The following KHDRBS3 variants were observed in gnomAD, a reference collection of about 807,000 sequenced individuals.
KHDRBS3 encodes KH RNA binding domain containing, signal transduction associated 3.
In KHDRBS3, 23 loss-of-function variants were observed where a neutral mutation model predicts 45.6. The ratio of observed to expected loss-of-function variants is 0.50; its 90% CI spans 0.36 to 0.72. The LOEUF (loss-of-function observed/expected upper bound fraction) is 0.72. KHDRBS3 is among the 30% of genes least tolerant of loss of function. KHDRBS3 has a pLI of 0.00. For synonymous variants in KHDRBS3, 162 were observed against 156.5 expected (o/e 1.04, Z -0.26); for missense variants, 352 against 424.8 (o/e 0.83, Z 1.51).
intron 1 of KHDRBS3, among the ~76,000 whole-genome samples, chr8:135,516,570 T>TTGTGTGTGTG (rs56155377): frequency 0.12 from 17,827 of 149,002 alleles, 1,229 homozygotes; most frequent in Non-Finnish European, 0.17. Flanking sequence ...GTTTCTTACA[T>TTGTGTGTGTG]TGTGTGTGTG....
At chr8:135,624,530 T>C (rs1453657829) in intron 7 of KHDRBS3, among the ~76,000 whole-genome samples, 2 of 152,190 alleles carry the variant, frequency 1.3e-5, no homozygotes, top group African/African-American at 4.8e-5. Context: ...AAACACATCC[T>C]CTGTTATATC....
intron 7 of KHDRBS3, among the ~76,000 whole-genome samples, chr8:135,611,338 A>G (rs1586801905): frequency 1.3e-5 from 2 of 151,974 alleles, no homozygotes; most frequent in Admixed American, 6.6e-5. Flanking sequence ...AGTTTACACA[A>G]AGGAGACAAA....
chr8:135,459,246 A>AGT (rs1337890265), intron 1 of KHDRBS3, among the ~76,000 whole-genome samples: 1 of 152,036 alleles, frequency 6.6e-6, no homozygotes, highest in Non-Finnish European at 1.5e-5. Flanking sequence ...TTCAGAGTAG[A>AGT]GTGTGTGTGT....
chr8:135,473,952 A>C (rs1822143770), intron 1 of KHDRBS3, among the ~76,000 whole-genome samples: 1 of 152,140 alleles, frequency 6.6e-6, no homozygotes, highest in Non-Finnish European at 1.5e-5. Context: ...GCTGCTGCTG[A>C]TGTTGCAGTT....
chr8:135,636,253 A>G (rs1830807845), intron 7 of KHDRBS3, among the ~76,000 whole-genome samples: 1 of 152,208 alleles, frequency 6.6e-6, no homozygotes, highest in Non-Finnish European at 1.5e-5. Context: ...ATTGCTTTCA[A>G]GAGCACTTTT....
At chr8:135,471,900 A>T (rs1822035587) in intron 1 of KHDRBS3, among the ~76,000 whole-genome samples, 1 of 152,136 alleles carries the variant, frequency 6.6e-6, no homozygotes, top group Admixed American at 6.5e-5. Flanking sequence ...TTTGGGTGGG[A>T]GTTCTTTCTC....
intron 4 of KHDRBS3, among the ~76,000 whole-genome samples, chr8:135,550,201 C>A (rs1320604286): frequency 2.0e-5 from 3 of 152,130 alleles, no homozygotes; most frequent in Non-Finnish European, 4.4e-5. Context: ...AACAGATTCT[C>A]TTTTCCAAAG....
At chr8:135,639,270 G>C (rs1830956820) in intron 7 of KHDRBS3, among the ~76,000 whole-genome samples, 1 of 152,212 alleles carries the variant, frequency 6.6e-6, no homozygotes, top group South Asian at 2.1e-4. Context: ...ATCATAGAGA[G>C]TGGGATATAT....
At chr8:135,646,164 C>A (rs572628528) in intron 8 of KHDRBS3, among the ~76,000 whole-genome samples, 1 of 152,100 alleles carries the variant, frequency 6.6e-6, no homozygotes, top group South Asian at 2.1e-4. Context: ...ATTTTTCCTT[C>A]ACAGCTTTTT....
At chr8:135,604,936 T>C (rs1829389635) in intron 6 of KHDRBS3, among the ~76,000 whole-genome samples, 1 of 151,794 alleles carries the variant, frequency 6.6e-6, no homozygotes, top group Non-Finnish European at 1.5e-5. Flanking sequence ...TTTTTTTTTT[T>C]CTTAAGAACT....
chr8:135,515,606 G>C (rs1466123609), intron 1 of KHDRBS3, among the ~76,000 whole-genome samples: 1 of 152,006 alleles, frequency 6.6e-6, no homozygotes, highest in Non-Finnish European at 1.5e-5. Flanking sequence ...TCCACTAGTG[G>C]TCAATAGCAG....
At chr8:135,464,075 C>A (rs1265103785) in intron 1 of KHDRBS3, among the ~76,000 whole-genome samples, 2 of 152,088 alleles carry the variant, frequency 1.3e-5, no homozygotes, top group Non-Finnish European at 2.9e-5. Context: ...AGGTACACAG[C>A]TTATAAGTAG....
At chr8:135,614,717 CAAAA>C (rs530803248) in intron 7 of KHDRBS3, among the ~76,000 whole-genome samples, 1 of 150,158 alleles carries the variant, frequency 6.7e-6, no homozygotes, top group Non-Finnish European at 1.5e-5. Flanking sequence ...GAAAAAAAAA[CAAAA>C]AAAAGAGTAG....
chr8:135,531,423 CA>C (rs11381875), intron 2 of KHDRBS3, among the ~76,000 whole-genome samples: 6 of 151,216 alleles, frequency 4.0e-5, no homozygotes, highest in African/African-American at 1.5e-4. Flanking sequence ...TCTGCAACAA[CA>C]AAAAAAATCA....
intron 5 of KHDRBS3, among the ~76,000 whole-genome samples, chr8:135,572,994 A>T (rs545176996): frequency 1.3e-5 from 2 of 152,368 alleles, no homozygotes; most frequent in African/African-American, 4.8e-5. Flanking sequence ...TATAGGAAAG[A>T]TACAGTTACC....
At chr8:135,631,521 G>A (rs1435857516) in intron 7 of KHDRBS3, among the ~76,000 whole-genome samples, 6 of 151,894 alleles carry the variant, frequency 4.0e-5, no homozygotes, top group Non-Finnish European at 8.8e-5. Flanking sequence ...CATAGTGTCA[G>A]GATCATCTAC....
intron 1 of KHDRBS3, among the ~76,000 whole-genome samples, chr8:135,497,412 A>G (rs1823511481): frequency 6.6e-6 from 1 of 152,162 alleles, no homozygotes; most frequent in Non-Finnish European, 1.5e-5. Context: ...CTTCATCGCT[A>G]CATTTTAATG....
intron 6 of KHDRBS3, among the ~76,000 whole-genome samples, chr8:135,584,285 G>C (rs533634484): frequency 1.3e-5 from 2 of 152,336 alleles, no homozygotes; most frequent in East Asian, 3.9e-4. Context: ...AATTTGGCTG[G>C]AATGCAGTAT....
At chr8:135,509,055 C>T (rs1344497867) in intron 1 of KHDRBS3, among the ~76,000 whole-genome samples, 5 of 152,158 alleles carry the variant, frequency 3.3e-5, no homozygotes, top group African/African-American at 1.2e-4. Flanking sequence ...TTGTCCTCAC[C>T]ACTGTGCATA....
Sources: allele counts gnomAD v4.1 joint callset (sites outside exome capture counted in the v4.1 genomes callset), GRCh38; gene constraint gnomAD v4.1.1; transcripts MANE v1.5; gene names NCBI Gene and HGNC (gene_info 2026-07-23, HGNC 2026-07-21).